The following OPCML variants were observed in gnomAD, a reference collection of about 807,000 sequenced individuals.
OPCML encodes the protein opioid binding protein/cell adhesion molecule like.
A neutral mutation model predicts 37.8 loss-of-function variants in OPCML; 13 were observed. That is an observed-to-expected ratio of 0.34 (90% CI 0.22 to 0.55). OPCML has a LOEUF of 0.55. Ranked by LOEUF, OPCML falls within the 20% of genes least tolerant of loss-of-function variation. The pLI, the probability that OPCML is intolerant of heterozygous loss-of-function variation, is 0.91. For synonymous variants in OPCML, 176 were observed against 168.8 expected (o/e 1.04, Z -0.33); for missense variants, 341 against 435.6 (o/e 0.78, Z 1.93).
At chr11:133,458,208 G>GTA (rs201989576) in intron 1 of OPCML, among the ~76,000 whole-genome samples, 3,805 of 119,630 alleles carry the variant, frequency 0.032, 485 homozygotes, top group African/African-American at 0.14. Flanking sequence ...ACACGTGTGT[G>GTA]TATATATACA....
At chr11:132,769,691 C>T (rs567745554) in intron 2 of OPCML, among the ~76,000 whole-genome samples, 12 of 152,228 alleles carry the variant, frequency 7.9e-5, no homozygotes, top group South Asian at 2.1e-4. Context: ...GCCACAGACA[C>T]GCATGTGGGA....
intron 2 of OPCML, among the ~76,000 whole-genome samples, chr11:132,692,553 C>T (rs1565780221): frequency 1.3e-5 from 2 of 152,176 alleles, no homozygotes; most frequent in Admixed American, 6.5e-5. Context: ...CAATCACTTG[C>T]TGGAAAATTA....
intron 1 of OPCML, among the ~76,000 whole-genome samples, chr11:133,169,571 T>C (rs1047124162): frequency 2.0e-5 from 3 of 152,178 alleles, no homozygotes; most frequent in Non-Finnish European, 2.9e-5. Flanking sequence ...TACACATATG[T>C]ATTAGGTTTG....
intron 2 of OPCML, among the ~76,000 whole-genome samples, chr11:132,903,379 A>G (rs1441183776): frequency 6.6e-6 from 1 of 152,224 alleles, no homozygotes; most frequent in Non-Finnish European, 1.5e-5. Flanking sequence ...TCTCTTATTT[A>G]TCAAATTCCC....
At chr11:133,463,293 T>G (rs189413666) in intron 1 of OPCML, among the ~76,000 whole-genome samples, 1 of 151,976 alleles carries the variant, frequency 6.6e-6, no homozygotes, top group Non-Finnish European at 1.5e-5. Flanking sequence ...GAGTTTCAGT[T>G]TGGGAAGATA....
chr11:133,272,261 A>G (rs1010714936), intron 1 of OPCML, among the ~76,000 whole-genome samples: 2 of 151,958 alleles, frequency 1.3e-5, no homozygotes, highest in Non-Finnish European at 2.9e-5. Flanking sequence ...CTAAAAAAAA[A>G]AAAAAAAAGA....
At chr11:133,304,195 A>T (rs1176676748) in intron 1 of OPCML, among the ~76,000 whole-genome samples, 1 of 152,220 alleles carries the variant, frequency 6.6e-6, no homozygotes, top group East Asian at 1.9e-4. Flanking sequence ...GTAGGCCCAT[A>T]AATGCAGCAA....
In OPCML at chr11:132,775,051, A is replaced by T. The variant is rs537231757; in HGVS notation, c.147-117732T>A. Among the ~76,000 whole-genome samples, 8 of 152,310 alleles carry T rather than the reference A, an allele frequency of 5.3e-5. No homozygotes were observed. The South Asian group carries it at 1.4e-3, about 28-fold the overall frequency. ...CAGTTGCCTTTGTATATTACAATTG[A>T]TATTTTTTCTTCTAACTCATGGATG... On this transcript the variant is annotated intron_variant, in intron 2 of 7. Coordinates refer to ENST00000524381, the MANE Select transcript of OPCML (RefSeq NM_001012393.5).
intron 1 of OPCML, among the ~76,000 whole-genome samples, chr11:132,996,675 G>A (rs1376459838): frequency 1.3e-5 from 2 of 148,254 alleles, no homozygotes; most frequent in African/African-American, 5.0e-5. Context: ...TTTTTTCCCC[G>A]GAGCCACAAA....
At chr11:132,847,360 G>T (rs573239301) in intron 2 of OPCML, among the ~76,000 whole-genome samples, 1 of 151,944 alleles carries the variant, frequency 6.6e-6, no homozygotes, top group Non-Finnish European at 1.5e-5. Context: ...CTGTCAAAAC[G>T]TCCGTGGAGT....
At chr11:133,075,771 GAGC>G (rs1948612089) in intron 1 of OPCML, among the ~76,000 whole-genome samples, 1 of 152,212 alleles carries the variant, frequency 6.6e-6, no homozygotes, top group Non-Finnish European at 1.5e-5. Context: ...TGCACACAGA[GAGC>G]AGGAGACCCA....
At chr11:133,083,232 G>A (rs933792652) in intron 1 of OPCML, among the ~76,000 whole-genome samples, 20 of 152,296 alleles carry the variant, frequency 1.3e-4, no homozygotes, top group African/African-American at 4.6e-4. Context: ...CGGGTGCACT[G>A]AGCGGCGGGA....
chr11:133,241,137 C>T (rs1940716967), intron 1 of OPCML, among the ~76,000 whole-genome samples: 1 of 152,156 alleles, frequency 6.6e-6, no homozygotes, highest in Admixed American at 6.5e-5. Context: ...GTCTTGACAC[C>T]ACCTCCCTAG....
chr11:132,525,694 G>A (rs1273623926), intron 4 of OPCML: 1 of 123,672 alleles, frequency 8.1e-6, no homozygotes, highest in Admixed American at 8.0e-5. Flanking sequence ...TCATGTTCCA[G>A]AGCTTTTCTT....
chr11:132,662,198 A>G (rs376957378), intron 2 of OPCML, among the ~76,000 whole-genome samples: 1 of 152,146 alleles, frequency 6.6e-6, no homozygotes, highest in Non-Finnish European at 1.5e-5. Context: ...CTTTTGGTTC[A>G]TGGGTCTGGA....
At chr11:132,505,194 C>T (rs2096253944) in intron 4 of OPCML, among the ~76,000 whole-genome samples, 1 of 152,086 alleles carries the variant, frequency 6.6e-6, no homozygotes, top group Non-Finnish European at 1.5e-5. Context: ...AGGCACCATC[C>T]ACTTACCACA....
chr11:132,586,057 T>C (rs2096471881), intron 3 of OPCML, among the ~76,000 whole-genome samples: 1 of 152,148 alleles, frequency 6.6e-6, no homozygotes, highest in South Asian at 2.1e-4. Flanking sequence ...TCCCATGCCT[T>C]GTGTAGGGTG....
chr11:132,838,894 A>G (rs940944306), intron 2 of OPCML, among the ~76,000 whole-genome samples: 2 of 152,228 alleles, frequency 1.3e-5, no homozygotes, highest in Non-Finnish European at 2.9e-5. Flanking sequence ...GGGAAACAGT[A>G]GAGCCGATAT....
chr11:132,692,232 GAA>G lies in OPCML; in HGVS notation c.147-34915_147-34914del, dbSNP rs5795797. Among the ~76,000 whole-genome samples the G allele has an allele frequency of 9.7e-4, 143 of 147,976 alleles. 1 individual carries two copies. Among genetic ancestry groups the G allele is most frequent in the East Asian group, 7.8e-3 (39 of 4,996 alleles). ...CTTCCTGTCATTGGTGATGCTACAG[GAA>G]AAAAAAAAAAAATGAGCTGTTGTTC... On this transcript the variant is annotated intron_variant, in intron 2 of 7. Coordinates refer to ENST00000524381, the MANE Select transcript of OPCML (RefSeq NM_001012393.5).
Sources: allele counts gnomAD v4.1 joint callset (sites outside exome capture counted in the v4.1 genomes callset), GRCh38; gene constraint gnomAD v4.1.1; transcripts MANE v1.5; gene names NCBI Gene and HGNC (gene_info 2026-07-23, HGNC 2026-07-21).